QTMAN: variants seen among roughly 807,000 people sequenced by gnomAD.
The protein encoded by QTMAN is queuosine-tRNA mannosyltransferase.
the QTMAN span, among the ~76,000 whole-genome samples, chr2:144,019,568 T>C: frequency 6.6e-6 from 1 of 151,904 alleles, no homozygotes; most frequent in African/African-American, 2.4e-5. Context: ...TTCCTCTATA[T>C]AGAGGTACAC....
the QTMAN span, among the ~76,000 whole-genome samples, chr2:143,960,403 C>A: frequency 6.6e-6 from 1 of 152,034 alleles, no homozygotes; most frequent in Non-Finnish European, 1.5e-5. Flanking sequence ...TCAGGGAACA[C>A]TGACTAATCT....
the QTMAN span, among the ~76,000 whole-genome samples, chr2:144,045,080 C>T: frequency 6.6e-6 from 1 of 152,160 alleles, no homozygotes; most frequent in Non-Finnish European, 1.5e-5. Flanking sequence ...ATAAAAGTAA[C>T]CCATGCTTAC....
chr2:143,941,531 C>G, the QTMAN span: 1 of 151,920 alleles, frequency 6.6e-6, no homozygotes, highest in Non-Finnish European at 1.5e-5. Context: ...AAAAATTAGC[C>G]GGGCGTGGTG....
chr2:144,165,239 A>G, the QTMAN span, among the ~76,000 whole-genome samples: 1 of 152,032 alleles, frequency 6.6e-6, no homozygotes, highest in Non-Finnish European at 1.5e-5. Flanking sequence ...GCATGGTAGC[A>G]TATGCCTGTA....
the QTMAN span, among the ~76,000 whole-genome samples, chr2:144,003,518 A>G: frequency 0.03 from 4,499 of 152,046 alleles, 220 homozygotes; most frequent in African/African-American, 0.1. Context: ...ATAGATGTTT[A>G]TAACAAAACA....
At chr2:144,275,271 C>T in the QTMAN span, among the ~76,000 whole-genome samples, 3 of 151,834 alleles carry the variant, frequency 2.0e-5, no homozygotes, top group African/African-American at 7.3e-5. Context: ...GTAATCCCAG[C>T]TACTCGGGAG....
chr2:144,018,773 T>C, the QTMAN span, among the ~76,000 whole-genome samples: 2 of 152,156 alleles, frequency 1.3e-5, no homozygotes, highest in African/African-American at 4.8e-5. Flanking sequence ...GTAAATTAGC[T>C]AAGATGTCCT....
the QTMAN span, among the ~76,000 whole-genome samples, chr2:144,161,386 T>C: frequency 2.6e-5 from 4 of 152,304 alleles, no homozygotes; most frequent in East Asian, 7.7e-4. Flanking sequence ...CCATGCCACA[T>C]TATTCCACAT....
the QTMAN span, among the ~76,000 whole-genome samples, chr2:144,141,129 TA>T: frequency 2.0e-5 from 3 of 151,866 alleles, no homozygotes; most frequent in Admixed American, 2.0e-4. Context: ...AAGCAGTCAG[TA>T]AAAAACAGCA....
At chr2:143,965,591 T>C in the QTMAN span, among the ~76,000 whole-genome samples, 53 of 152,346 alleles carry the variant, frequency 3.5e-4, no homozygotes, top group African/African-American at 1.2e-3. Context: ...CTAGGCACTA[T>C]TGACATTTTA....
the QTMAN span, among the ~76,000 whole-genome samples, chr2:144,290,989 T>C: frequency 6.6e-6 from 1 of 152,220 alleles, no homozygotes; most frequent in Non-Finnish European, 1.5e-5. Flanking sequence ...GCAGGGTTGA[T>C]TCCTTAGAAG....
the QTMAN span, among the ~76,000 whole-genome samples, chr2:144,197,500 G>A: frequency 3.9e-5 from 6 of 152,144 alleles, no homozygotes; most frequent in South Asian, 1.2e-3. Flanking sequence ...GAGTAAATAT[G>A]AAAAATTTAT....
chr2:143,972,957 G>C, the QTMAN span, among the ~76,000 whole-genome samples: 2 of 152,108 alleles, frequency 1.3e-5, no homozygotes, highest in Non-Finnish European at 2.9e-5. Flanking sequence ...TCACTTGCTG[G>C]GACTGGTAAA....
the QTMAN span, chr2:144,179,005 A>C: frequency 2.2e-6 from 1 of 461,616 alleles, no homozygotes. Context: ...TTCCCATAAA[A>C]CTTCTTTGAT....
At chr2:144,139,418 C>T in the QTMAN span, among the ~76,000 whole-genome samples, 1 of 151,962 alleles carries the variant, frequency 6.6e-6, no homozygotes, top group African/African-American at 2.4e-5. Context: ...ACATGGTATA[C>T]ATTATTTCAT....
chr2:144,116,962 T>G, the QTMAN span, among the ~76,000 whole-genome samples: 1 of 152,164 alleles, frequency 6.6e-6, no homozygotes, highest in East Asian at 1.9e-4. Flanking sequence ...CTCTAGGGAC[T>G]ACCAGCACAC....
the QTMAN span, among the ~76,000 whole-genome samples, chr2:144,182,860 TAATATA>T: frequency 1.4e-5 from 1 of 70,264 alleles, no homozygotes; most frequent in Non-Finnish European, 2.4e-5. Context: ...ATTTTATATA[TAATATA>T]TATATATTAT....
the QTMAN span, among the ~76,000 whole-genome samples, chr2:144,313,816 A>G: frequency 1.7e-4 from 26 of 151,748 alleles, 1 homozygote; most frequent in South Asian, 5.4e-3. Context: ...AAAATATACT[A>G]GATTTCAGCT....
the QTMAN span, among the ~76,000 whole-genome samples, chr2:144,261,025 G>GA: frequency 6.6e-6 from 1 of 152,106 alleles, no homozygotes; most frequent in African/African-American, 2.4e-5. Flanking sequence ...TCCCATTCTA[G>GA]AAAAAACTGT....
Sources: gnomAD v4.1 joint callset for allele counts (sites outside exome capture counted in the v4.1 genomes callset) on GRCh38, gnomAD v4.1.1 for gene constraint, MANE v1.5 for transcripts, NCBI Gene and HGNC (gene_info 2026-07-23, HGNC 2026-07-21) for gene names.